EVI5: variants seen among roughly 807,000 people sequenced by gnomAD.
The protein encoded by EVI5 is ecotropic viral integration site 5.
Under a neutral mutation model 112.0 loss-of-function variants are expected in EVI5, and 73 were observed. That is an observed-to-expected ratio of 0.65 (90% confidence interval 0.54 to 0.79). EVI5 has a LOEUF of 0.79. EVI5 is among the 30% of genes least tolerant of loss of function. The pLI, the probability that EVI5 is intolerant of heterozygous loss-of-function variation, is 0.00. For missense variants in EVI5, 900 were observed against 968.8 expected (o/e 0.93, Z 0.94); for synonymous variants, 305 against 319.9 (o/e 0.95, Z 0.50).
rs1332617668 is a variant in EVI5, at chr1:92,625,832, G to A, written c.1630C>T (p.Leu544Phe). 6 of 1,613,106 alleles carry A rather than the reference G, an allele frequency of 3.7e-6. No homozygotes were observed. Among genetic ancestry groups the A allele is most frequent in the Non-Finnish European group, 5.1e-6 (6 of 1,179,312 alleles). ...EAEAIMGLKE[L>F]RQQVKDLEEH... ...TCTAAATCCTTGACTTGCTGTCTAA[G>A]TTCTTTCAAACCCATAATGGCTTCT... is the stretch of plus-strand genomic sequence containing the variant. Residue 544 changes from leucine to phenylalanine, a missense_variant, in exon 15 of 20, where the codon CTT becomes TTT. Coordinates refer to ENST00000684568, the MANE Select transcript of EVI5 (RefSeq NM_001350197.2).
intron 18 of EVI5, among the ~76,000 whole-genome samples, chr1:92,579,125 G>A (rs1166629350): frequency 6.6e-6 from 1 of 152,128 alleles, no homozygotes; most frequent in African/African-American, 2.4e-5. Flanking sequence ...CTTTTCTTGA[G>A]CCCTCTGTAA....
Position 92,563,749 on chromosome 1 carries a change from CAA to C in EVI5, c.2071-14_2071-13del. 2 of 1,567,958 alleles carry C rather than the reference CAA, an allele frequency of 1.3e-6. No individual in the cohort carries two copies. The highest frequency in any genetic ancestry group is 2.3e-5 in the South Asian group (2 of 88,210). On this transcript the variant is annotated splice_polypyrimidine_tract_variant and intron_variant, in intron 18 of 19. Transcript: ENST00000684568. ...TTTCCTTCTTCTTTCTGTTTTGTGA[CAA>C]AACAACAAAGCAAAAACAAGAGGCA...
At chr1:92,657,331 C>T (rs1032608072) in intron 13 of EVI5, among the ~76,000 whole-genome samples, 8 of 152,130 alleles carry the variant, frequency 5.3e-5, no homozygotes, top group African/African-American at 1.9e-4. Flanking sequence ...ATTCGGCATC[C>T]CTTCATGATT....
chr1:92,721,798 C>G (rs1165604428), intron 2 of EVI5, among the ~76,000 whole-genome samples: 2 of 152,144 alleles, frequency 1.3e-5, no homozygotes, highest in Non-Finnish European at 2.9e-5. Flanking sequence ...TACAACCACA[C>G]CTTACCTACA....
chr1:92,677,983 C>A (rs1667009137), intron 9 of EVI5, among the ~76,000 whole-genome samples: 1 of 152,074 alleles, frequency 6.6e-6, no homozygotes, highest in Non-Finnish European at 1.5e-5. Context: ...TTCTCCCTTA[C>A]AACTAGGAGC....
chr1:92,558,167 C>T (rs1343359920), intron 19 of EVI5, among the ~76,000 whole-genome samples: 3 of 152,134 alleles, frequency 2.0e-5, no homozygotes, highest in East Asian at 3.8e-4. Context: ...TCCAGTTTCC[C>T]GCCTATCTCC....
At chr1:92,617,859 G>C (rs1653579781) in intron 16 of EVI5, among the ~76,000 whole-genome samples, 1 of 152,190 alleles carries the variant, frequency 6.6e-6, no homozygotes, top group South Asian at 2.1e-4. Flanking sequence ...CTTCTGCCAA[G>C]ACCACCATCT....
chr1:92,609,187 T>C (rs1327951037), intron 16 of EVI5, among the ~76,000 whole-genome samples: 1 of 152,198 alleles, frequency 6.6e-6, no homozygotes, highest in Admixed American at 6.5e-5. Context: ...CAGAAAGAAG[T>C]AAAAATCTAA....
At chr1:92,590,209 TCTC>T (rs1673572550) in intron 18 of EVI5, among the ~76,000 whole-genome samples, 1 of 151,910 alleles carries the variant, frequency 6.6e-6, no homozygotes, top group African/African-American at 2.4e-5. Flanking sequence ...GCAGAGCGCC[TCTC>T]CTCCTCTAAA....
chr1:92,589,714 G>A (rs1374442200), intron 18 of EVI5, among the ~76,000 whole-genome samples: 1 of 152,202 alleles, frequency 6.6e-6, no homozygotes, highest in Non-Finnish European at 1.5e-5. Context: ...ACAAAAGGCA[G>A]CAGAAACCTC....
At chr1:92,627,343 C>T (rs1452871222) in intron 14 of EVI5, among the ~76,000 whole-genome samples, 1 of 152,150 alleles carries the variant, frequency 6.6e-6, no homozygotes, top group Non-Finnish European at 1.5e-5. Context: ...GCTGTTAATT[C>T]GTTCCTTTTT....
At chr1:92,612,846 A>G (rs930707937) in intron 16 of EVI5, among the ~76,000 whole-genome samples, 1 of 152,144 alleles carries the variant, frequency 6.6e-6, no homozygotes, top group African/African-American at 2.4e-5. Context: ...AGAATGATAC[A>G]GCTAGAATAA....
Position 92,695,449 on chromosome 1 carries a change from T to A in EVI5, c.770A>T (p.His257Leu), listed in dbSNP as rs757481722. The A allele has an allele frequency of 1.3e-6, 2 of 1,595,414 alleles. No individual in the cohort carries two copies. Among genetic ancestry groups the A allele is most frequent in the Non-Finnish European group, 1.7e-6 (2 of 1,167,136 alleles). Residue 257 changes from histidine to leucine, a missense_variant, in exon 7 of 20, where the codon CAT becomes CTT. Physicochemically the swap from His to Leu is moderately conservative, Grantham distance 99. Transcript: ENST00000684568. ...MYQFECMIQEHLPELFVHFQS... is the reference protein window; with the variant it reads ...MYQFECMIQELLPELFVHFQS... ...AAAATGTACAAAGAGCTCTGGAAGA[T>A]GCTCCTAAAGAGAAGAAAATAATTA...
rs770829382 is a variant in EVI5, at chr1:92,776,635, CTTT to C, written c.-82+8198_-82+8200del. ...AAATGAAATGATAACACCATCATGA[CTTT>C]TTTTTTTTTTTTTGAGATGGAGTTT... On this transcript the variant is annotated intron_variant, in intron 1 of 19. Coordinates refer to ENST00000684568, the MANE Select transcript of EVI5 (RefSeq NM_001350197.2). Among the ~76,000 whole-genome samples the C allele has an allele frequency of 1.2e-3, 160 of 137,692 alleles. 1 individual carries two copies. In the South Asian group the frequency reaches 0.033, roughly 29 times the overall value. The allele number at this position is 137,692 out of a possible 152,430, so 90.3% of individuals were successfully genotyped here.
At chr1:92,642,756 A>T (rs1660221545) in intron 13 of EVI5, among the ~76,000 whole-genome samples, 2 of 152,188 alleles carry the variant, frequency 1.3e-5, no homozygotes, top group South Asian at 4.1e-4. Flanking sequence ...TCTCTCTAGA[A>T]TTATAGAAAA....
At chr1:92,726,684 T>A (rs371869672) in intron 2 of EVI5, among the ~76,000 whole-genome samples, 1 of 152,188 alleles carries the variant, frequency 6.6e-6, no homozygotes, top group African/African-American at 2.4e-5. Context: ...ATTATTTCAA[T>A]CTCATTTAAA....
At chr1:92,527,362 C>A (rs1483357588) in intron 19 of EVI5, among the ~76,000 whole-genome samples, 2 of 138,290 alleles carry the variant, frequency 1.4e-5, no homozygotes, top group African/African-American at 2.7e-5. Context: ...TTGCAATGTG[C>A]TGAGATGGTG....
chr1:92,560,977 T>A (rs915151780), intron 19 of EVI5, among the ~76,000 whole-genome samples: 1 of 152,066 alleles, frequency 6.6e-6, no homozygotes, highest in African/African-American at 2.4e-5. Context: ...GTCTCCTTTG[T>A]GAGGAAGCAG....
chr1:92,625,962 AT>A, intron 14 of EVI5, 28 bp from the exon 15 acceptor site: 1 of 1,487,588 alleles, frequency 6.7e-7, no homozygotes, highest in Non-Finnish European at 9.3e-7. Flanking sequence ...TTAATTTGGG[AT>A]TTTTAAATTT....
Sources: allele counts gnomAD v4.1 joint callset (sites outside exome capture counted in the v4.1 genomes callset), GRCh38; gene constraint gnomAD v4.1.1; transcripts MANE v1.5; gene names NCBI Gene and HGNC (gene_info 2026-07-23, HGNC 2026-07-21).